The following PLEKHA8 variants were observed in gnomAD, a reference collection of about 807,000 sequenced individuals.
PLEKHA8 encodes pleckstrin homology domain containing A8, also known as pleckstrin homology domain-containing family A member 8.
Under a neutral mutation model 68.2 loss-of-function variants are expected in PLEKHA8, and 36 were observed. The ratio of observed to expected loss-of-function variants is 0.53; its 90% CI spans 0.40 to 0.70. The LOEUF (loss-of-function observed/expected upper bound fraction) is 0.70, where lower values mean the gene tolerates loss of function less well. PLEKHA8 is among the 30% of genes least tolerant of loss of function. The pLI is 0.00. For synonymous variants in PLEKHA8, 211 were observed against 216.1 expected (o/e 0.98, Z 0.20); for missense variants, 505 against 615.4 (o/e 0.82, Z 1.90).
In PLEKHA8 at chr7:30,080,700, T is replaced by C; in HGVS notation, c.*1913T>C. 1 of 985,398 alleles carries C rather than the reference T, an allele frequency of 1.0e-6. No individual in the cohort carries two copies. The highest frequency in any genetic ancestry group is 1.2e-6 in the Non-Finnish European group (1 of 829,918). The allele number at this position is 985,398 out of a possible 1,614,324, so 61.0% of individuals were successfully genotyped here. A position where few individuals can be genotyped will look rare whatever the true frequency, so the allele number is the denominator to read the frequency against. Reference sequence around the variant, plus strand: ...GGTATTAAAATGATGTTGATTATTTTGTATTTTGCCAAGGTGTGTGTGTGT... The same window carrying C: ...GGTATTAAAATGATGTTGATTATTTCGTATTTTGCCAAGGTGTGTGTGTGT... On this transcript the variant is annotated 3_prime_UTR_variant, in exon 14 of 14. Transcript: ENST00000449726.
In PLEKHA8 at chr7:30,084,585, A is replaced by C. The variant is rs1291114860; in HGVS notation, c.*5798A>C. On this transcript the variant is annotated 3_prime_UTR_variant, in exon 14 of 14. Coordinates refer to ENST00000449726, the MANE Select transcript of PLEKHA8 (RefSeq NM_001197026.2). Reference sequence around the variant, plus strand: ...CAGGGGAGGGTTTTACTTTTTTTGCAAAAATGTTTGAAAATATCTGTCAGA... The same window carrying C: ...CAGGGGAGGGTTTTACTTTTTTTGCCAAAATGTTTGAAAATATCTGTCAGA... 3.1e-6 allele frequency: 3 copies of C among 976,010 alleles called. No homozygotes were observed. The African/African-American group carries it at 5.3e-5, about 17-fold the overall frequency. The allele number at this position is 976,010 out of a possible 1,614,324, so 60.5% of individuals were successfully genotyped here.
chr7:30,077,843 C>T (rs528352902), intron 13 of PLEKHA8, among the ~76,000 whole-genome samples: 2 of 152,104 alleles, frequency 1.3e-5, no homozygotes, highest in African/African-American at 2.4e-5. Flanking sequence ...AATATTGGCC[C>T]GCAAAGGAAG....
In PLEKHA8 at chr7:30,119,710, G is replaced by A. The variant is rs559843430; in HGVS notation, c.1363-9556G>A. ...AATGAAAAGGGAGATGAAAACAGCC[G>A]CTTATACCTGTTTTAACTGTAATTG... On this transcript the variant is annotated intron_variant, in intron 13 of 13. Transcript: ENST00000396257. Among the ~76,000 whole-genome samples, 7 of 152,260 alleles carry A rather than the reference G, an allele frequency of 4.6e-5. No individual in the cohort carries two copies. In the South Asian group the frequency reaches 1.0e-3, roughly 23 times the overall value.
At chr7:30,089,427 A>G (rs1317487903), downstream of PLEKHA8, among the ~76,000 whole-genome samples, 1 of 151,954 alleles carries the variant, frequency 6.6e-6, no homozygotes, top group Admixed American at 6.6e-5. Flanking sequence ...TGTCTGCTCA[A>G]TGTCTGTGAC....
At chr7:30,105,062 A>G (rs1009578262) in intron 13 of PLEKHA8, among the ~76,000 whole-genome samples, 2 of 152,088 alleles carry the variant, frequency 1.3e-5, no homozygotes, top group African/African-American at 2.4e-5. Flanking sequence ...AGAATGATCT[A>G]TATCTTGCTA....
intron 1 of PLEKHA8, among the ~76,000 whole-genome samples, chr7:30,031,008 C>T (rs187459496): frequency 6.6e-6 from 1 of 152,270 alleles, no homozygotes; most frequent in Non-Finnish European, 1.5e-5. Context: ...GTAACCCATG[C>T]CTCTGTATGG....
At chr7:30,092,347 T>C (rs1046921967), downstream of PLEKHA8, among the ~76,000 whole-genome samples, 1 of 152,084 alleles carries the variant, frequency 6.6e-6, no homozygotes, top group Non-Finnish European at 1.5e-5. Context: ...TCTTATTTGT[T>C]CCACTTGTCC....
Position 30,081,469 on chromosome 7 carries a change from G to C in PLEKHA8, c.*2682G>C. The C allele has an allele frequency of 2.0e-6, 2 of 985,088 alleles. No individual in the cohort carries two copies. Among genetic ancestry groups the C allele is most frequent in the Non-Finnish European group, 2.4e-6 (2 of 829,642 alleles). 61.0% of individuals were successfully genotyped at this position (985,088 alleles called of 1,614,324 possible). On this transcript the variant is annotated 3_prime_UTR_variant, in exon 14 of 14. Coordinates refer to ENST00000449726, the MANE Select transcript of PLEKHA8 (RefSeq NM_001197026.2). ...CCTACATCTAAAGTATTTGCTCTCT[G>C]TTTTAGTTAAAGTCATAATTTGCGC...
intron 13 of PLEKHA8, among the ~76,000 whole-genome samples, chr7:30,099,282 A>C (rs1161218251): frequency 1.3e-5 from 2 of 152,186 alleles, no homozygotes; most frequent in African/African-American, 4.8e-5. Flanking sequence ...TATCCAAGTC[A>C]CCAATTAGAT....
intron 1 of PLEKHA8, among the ~76,000 whole-genome samples, chr7:30,032,904 A>G (rs1790772386): frequency 6.6e-6 from 1 of 152,232 alleles, no homozygotes; most frequent in Non-Finnish European, 1.5e-5. Flanking sequence ...GTTAAAGCTC[A>G]AGCACATTGC....
In PLEKHA8 at chr7:30,080,782, G is replaced by A. The variant is rs1583446250; in HGVS notation, c.*1995G>A. ...ATAGATCTCCTTCTCTGATTAGTATGAATATGATGGCAGGACTCGGGGATA... is the reference window on the plus strand; with the variant it reads ...ATAGATCTCCTTCTCTGATTAGTATAAATATGATGGCAGGACTCGGGGATA... On this transcript the variant is annotated 3_prime_UTR_variant, in exon 14 of 14. Coordinates refer to ENST00000449726, the MANE Select transcript of PLEKHA8 (RefSeq NM_001197026.2). 3.0e-6 allele frequency: 3 copies of A among 985,280 alleles called. 1 individual carries two copies. In the South Asian group the frequency reaches 1.4e-4, roughly 46 times the overall value. 61.0% of individuals were successfully genotyped at this position (985,280 alleles called of 1,614,324 possible).
intron 13 of PLEKHA8, among the ~76,000 whole-genome samples, chr7:30,128,957 G>A (rs1039939414): frequency 6.6e-6 from 1 of 152,142 alleles, no homozygotes; most frequent in Non-Finnish European, 1.5e-5. Context: ...TTACTGCAGG[G>A]ATGGCCCCAA....
chr7:30,074,007 T>C, intron 12 of PLEKHA8, 64 bp from the exon 13 acceptor site: 1 of 1,385,352 alleles, frequency 7.2e-7, no homozygotes, highest in Non-Finnish European at 1.0e-6. Context: ...AAAAAGTACA[T>C]TATACAAATA....
intron 10 of PLEKHA8, 37 bp from the exon 11 acceptor site, chr7:30,061,860 A>G: frequency 1.2e-6 from 2 of 1,612,030 alleles, no homozygotes; most frequent in Non-Finnish European, 1.7e-6. Flanking sequence ...TAACTTCAGC[A>G]TTTTAAACTT....
chr7:30,041,448 G>T (rs1324526314), intron 1 of PLEKHA8, among the ~76,000 whole-genome samples: 2 of 140,742 alleles, frequency 1.4e-5, no homozygotes, highest in African/African-American at 5.3e-5. Flanking sequence ...TTGAGACAAG[G>T]TCTCACTCTC....
At chr7:30,074,270 G>GTGTA (rs2127996434) in intron 13 of PLEKHA8, 138 bp downstream of exon 13, 3 of 647,510 alleles carry the variant, frequency 4.6e-6, no homozygotes, top group African/African-American at 1.9e-5. Flanking sequence ...GTGTGTGTGT[G>GTGTA]TGTATGTGTG....
intron 12 of PLEKHA8, among the ~76,000 whole-genome samples, chr7:30,065,734 A>G (rs187000660): frequency 1.1e-4 from 17 of 152,318 alleles, no homozygotes; most frequent in African/African-American, 4.1e-4. Context: ...CACCCAGTGT[A>G]ACTACTACAC....
chr7:30,072,856 A>C (rs1205025972), intron 12 of PLEKHA8, among the ~76,000 whole-genome samples: 1 of 152,192 alleles, frequency 6.6e-6, no homozygotes, highest in African/African-American at 2.4e-5. Context: ...TTAATTTAGA[A>C]ATGAGTGCTC....
chr7:30,028,486 A>C lies in PLEKHA8; in HGVS notation c.-277A>C, dbSNP rs1790374388. 2.9e-6 allele frequency: 1 copy of C among 345,098 alleles called. No homozygotes were observed. Among genetic ancestry groups the C allele is most frequent in the Non-Finnish European group, 5.2e-6 (1 of 191,730 alleles). The allele number at this position is 345,098 out of a possible 1,614,324, so 21.4% of individuals were successfully genotyped here. On this transcript the variant is annotated 5_prime_UTR_variant, in exon 1 of 14. Coordinates refer to ENST00000449726, the MANE Select transcript of PLEKHA8 (RefSeq NM_001197026.2). Reference sequence around the variant, plus strand: ...GAGGCTTCGGCTGCCCCTCCGACCCACGTAGGGCCCGGACCCGGGCCTCCT... The same window carrying C: ...GAGGCTTCGGCTGCCCCTCCGACCCCCGTAGGGCCCGGACCCGGGCCTCCT...
Sources: allele counts gnomAD v4.1 joint callset (sites outside exome capture counted in the v4.1 genomes callset), GRCh38; gene constraint gnomAD v4.1.1; transcripts MANE v1.5; gene names NCBI Gene and HGNC (gene_info 2026-07-23, HGNC 2026-07-21).